The following NTRK2 variants were observed in gnomAD, a reference collection of about 807,000 sequenced individuals.
NTRK2 encodes BDNF/NT-3 growth factors receptor.
A neutral mutation model predicts 94.5 loss-of-function variants in NTRK2; 13 were observed. The ratio of observed to expected loss-of-function variants is 0.14; its 90% CI spans 0.09 to 0.22. The LOEUF (loss-of-function observed/expected upper bound fraction) is 0.22. Among genes scored for constraint, NTRK2 ranks in the 10% least tolerant of loss-of-function variants. The pLI is 1.00. For synonymous variants in NTRK2, 372 were observed against 407.4 expected, an observed-to-expected ratio of 0.91 and a Z score of 1.05; for missense variants, 639 against 1,071.2, an observed-to-expected ratio of 0.60 and a Z score of 5.63.
chr9:85,007,992 G>A (rs1245935722), intron 17 of NTRK2, among the ~76,000 whole-genome samples: 3 of 152,118 alleles, frequency 2.0e-5, no homozygotes, highest in Non-Finnish European at 4.4e-5. Flanking sequence ...ACTTCAGTGA[G>A]GAACTGGGAC....
At chr9:84,680,438 G>A (rs999892293) in intron 2 of NTRK2, among the ~76,000 whole-genome samples, 5 of 152,152 alleles carry the variant, frequency 3.3e-5, no homozygotes, top group African/African-American at 1.2e-4. Context: ...CACTCATACT[G>A]CATTAGAGTA....
chr9:84,819,835 T>C (rs1314186052), intron 12 of NTRK2, among the ~76,000 whole-genome samples: 1 of 152,216 alleles, frequency 6.6e-6, no homozygotes, highest in Non-Finnish European at 1.5e-5. Context: ...TGTCAGTTCC[T>C]GAGTGCCTAT....
At chr9:85,007,903 A>G (rs576670485) in intron 17 of NTRK2, among the ~76,000 whole-genome samples, 2 of 152,312 alleles carry the variant, frequency 1.3e-5, no homozygotes, top group South Asian at 2.1e-4. Context: ...GATGTTAAAC[A>G]TTAGCCACAC....
intron 14 of NTRK2, among the ~76,000 whole-genome samples, chr9:84,895,646 A>G (rs189427854): frequency 3.3e-5 from 5 of 152,228 alleles, no homozygotes; most frequent in African/African-American, 7.2e-5. Context: ...ATGGCATTCA[A>G]TTATGGGCAT....
rs2058638547 is a variant in NTRK2 at position 84,670,617 on chromosome 9, C to T, written c.-132C>T. 1.2e-5 allele frequency: 11 copies of T among 894,142 alleles called. No individual in the cohort carries two copies. The highest frequency in any genetic ancestry group is 2.9e-5 in the South Asian group (2 of 70,080). 55.4% of individuals were successfully genotyped at this position (894,142 alleles called of 1,614,324 possible). A position where few individuals can be genotyped will look rare whatever the true frequency, so the allele number is the denominator to read the frequency against. On this transcript the variant is annotated 5_prime_UTR_variant, in exon 2 of 19. Transcript: ENST00000277120. ...CCAGCTCAGCCTCTGATAAGCTGGA[C>T]TCGGCACGCCCGCAACAAGCACCGA...
intron 12 of NTRK2, among the ~76,000 whole-genome samples, chr9:84,851,363 C>T (rs1457696905): frequency 1.3e-5 from 2 of 152,162 alleles, no homozygotes; most frequent in Admixed American, 6.6e-5. Flanking sequence ...CATGATGGCC[C>T]ATAGTTAATT....
intron 12 of NTRK2, among the ~76,000 whole-genome samples, chr9:84,805,752 T>G (rs1391147797): frequency 6.6e-6 from 1 of 152,194 alleles, no homozygotes; most frequent in Non-Finnish European, 1.5e-5. Context: ...CCCTCATGAA[T>G]AGATGGGTTC....
chr9:84,781,315 A>C (rs1191274906), intron 12 of NTRK2, among the ~76,000 whole-genome samples: 3 of 152,132 alleles, frequency 2.0e-5, no homozygotes, highest in Non-Finnish European at 4.4e-5. Context: ...CACCTCTAAA[A>C]TTAATTTCTA....
chr9:84,996,975 G>A (rs1829826377), intron 17 of NTRK2, among the ~76,000 whole-genome samples: 1 of 152,206 alleles, frequency 6.6e-6, no homozygotes, highest in South Asian at 2.1e-4. Context: ...TTTCAATGCA[G>A]TACGGCCCGT....
chr9:85,001,248 T>C (rs1830308800), intron 17 of NTRK2, among the ~76,000 whole-genome samples: 1 of 152,204 alleles, frequency 6.6e-6, no homozygotes, highest in South Asian at 2.1e-4. Context: ...TTCTCAGTTG[T>C]CATTCTCTTT....
intron 6 of NTRK2, among the ~76,000 whole-genome samples, chr9:84,712,125 G>A (rs535418041): frequency 4.7e-4 from 71 of 152,222 alleles, no homozygotes; most frequent in Non-Finnish European, 4.9e-4. Flanking sequence ...CATTGGTTCA[G>A]CAACCACTGA....
rs201400141 is a variant in NTRK2 at position 84,670,440 on chromosome 9, G to A, written c.-309G>A. 2.1e-6 allele frequency: 1 copy of A among 469,040 alleles called. No individual in the cohort carries two copies. Among genetic ancestry groups the A allele is most frequent in the Non-Finnish European group, 3.9e-6 (1 of 258,278 alleles). The allele number at this position is 469,040 out of a possible 1,614,324, so 29.1% of individuals were successfully genotyped here. On this transcript the variant is annotated 5_prime_UTR_variant, in exon 2 of 19. Transcript: ENST00000277120. ...AGGAATCTGCGCCCCAGAGAGTCCC[G>A]GGAGCGCCGCCGGTCGGTGCCCGGC...
In NTRK2 at chr9:84,934,258, G is replaced by T. The variant is rs756338416; in HGVS notation, c.1730G>T (p.Cys577Phe). The T allele has an allele frequency of 6.2e-7, 1 of 1,614,034 alleles. No individual in the cohort carries two copies. The part of the protein sequence containing the change: ...KVFLAECYNL[C>F]PEQDKILVAV... ...TTCCTAGCTGAATGCTATAACCTCTGTCCTGAGCAGGACAAGATCTTGGTG... is the reference window on the plus strand; with the variant it reads ...TTCCTAGCTGAATGCTATAACCTCTTTCCTGAGCAGGACAAGATCTTGGTG... Residue 577 changes from cysteine to phenylalanine, a missense_variant, in exon 15 of 19, where the codon TGT becomes TTT. Cys to Phe is a radical substitution (Grantham distance 205, BLOSUM62 -2). Transcript: ENST00000277120.
intron 12 of NTRK2, among the ~76,000 whole-genome samples, chr9:84,836,982 T>TAATATA (rs1351724436): frequency 7.3e-6 from 1 of 137,022 alleles, no homozygotes; most frequent in Non-Finnish European, 1.6e-5. Context: ...TAATATAATA[T>TAATATA]AATAATACTG....
intron 12 of NTRK2, chr9:84,814,431 G>A (rs1302458488): frequency 1.9e-6 from 2 of 1,065,768 alleles, no homozygotes; most frequent in Non-Finnish European, 2.3e-6. Flanking sequence ...TTTCTTTAGA[G>A]CACTTGACTT....
intron 5 of NTRK2, among the ~76,000 whole-genome samples, chr9:84,709,403 G>A (rs533595184): frequency 6.6e-6 from 1 of 152,304 alleles, no homozygotes; most frequent in African/African-American, 2.4e-5. Context: ...TTTTGGATTA[G>A]TGGGGTTTAA....
At chr9:84,839,300 G>A (rs767779406) in intron 12 of NTRK2, among the ~76,000 whole-genome samples, 1 of 152,136 alleles carries the variant, frequency 6.6e-6, no homozygotes, top group African/African-American at 2.4e-5. Context: ...CTTTTAATTG[G>A]CCTGTCTTGT....
intron 17 of NTRK2, among the ~76,000 whole-genome samples, chr9:84,992,454 CCAGTGCTCACTGCTG>C (rs2133329999): frequency 6.6e-6 from 1 of 152,182 alleles, no homozygotes; most frequent in South Asian, 2.1e-4. Context: ...GCCTCTGATA[CCAGTGCTCACTGCTG>C]AAGGTAAATT....
At chr9:84,679,561 GTCTGGGA>G (rs1461470519) in intron 2 of NTRK2, among the ~76,000 whole-genome samples, 2 of 152,122 alleles carry the variant, frequency 1.3e-5, no homozygotes, top group Non-Finnish European at 2.9e-5. Context: ...CAGTATCAGG[GTCTGGGA>G]TTTTGGTTGA....
Sources: allele counts gnomAD v4.1 joint callset (sites outside exome capture counted in the v4.1 genomes callset), GRCh38; gene constraint gnomAD v4.1.1; transcripts MANE v1.5; gene names NCBI Gene and HGNC (gene_info 2026-07-23, HGNC 2026-07-21).